RGS3: variants seen among roughly 807,000 people sequenced by gnomAD.
RGS3 encodes regulator of G-protein signalling 3.
RGS3 carries 80 observed loss-of-function variants against 132.6 expected under a neutral mutation model. The observed-to-expected ratio is 0.60, with a 90% CI of 0.50 to 0.73. The LOEUF (loss-of-function observed/expected upper bound fraction) is 0.73, where lower values mean the gene tolerates loss of function less well. Ranked by LOEUF, RGS3 falls within the 30% of genes least tolerant of loss-of-function variation. The pLI is 0.00. For synonymous variants in RGS3, 598 were observed against 620.6 expected (o/e 0.96, Z 0.54); for missense variants, 1,382 against 1,530.8 (o/e 0.90, Z 1.62).
At chr9:113,592,017 G>A (rs1260811340) in intron 21 of RGS3, 2 of 153,180 alleles carry the variant, frequency 1.3e-5, no homozygotes, top group African/African-American at 4.8e-5. Context: ...GTATAGGGAG[G>A]AGGCAGTGGG....
At chr9:113,593,928 G>A (rs1346962944) in intron 21 of RGS3, 41 of 1,606,632 alleles carry the variant, frequency 2.6e-5, no homozygotes, top group Non-Finnish European at 3.3e-5. Context: ...CCATGGTAAC[G>A]AGGAGGCCAG....
chr9:113,554,386 A>G (rs1388903898), intron 19 of RGS3, among the ~76,000 whole-genome samples: 1 of 152,138 alleles, frequency 6.6e-6, no homozygotes, highest in Non-Finnish European at 1.5e-5. Context: ...GCTCACTGCA[A>G]CCTCCACCTT....
In RGS3 at chr9:113,489,508, C is replaced by T. The variant is rs181981635; in HGVS notation, c.689+3815C>T. Among the ~76,000 whole-genome samples the T allele has an allele frequency of 1.1e-4, 17 of 152,204 alleles. No individual in the cohort carries two copies. The East Asian group carries it at 3.3e-3, about 29-fold the overall frequency. On this transcript the variant is annotated intron_variant, in intron 7 of 24. Coordinates refer to ENST00000350696, the Ensembl canonical transcript of RGS3. Reference sequence around the variant, plus strand: ...GCTCCTCAGGACTCAGGGTGCTTCTCTTTGCATTTATAGTGTAGTTTCATT... The same window carrying T: ...GCTCCTCAGGACTCAGGGTGCTTCTTTTTGCATTTATAGTGTAGTTTCATT...
intron 19 of RGS3, among the ~76,000 whole-genome samples, chr9:113,540,209 T>C (rs1832847116): frequency 6.6e-6 from 1 of 152,112 alleles, no homozygotes; most frequent in Non-Finnish European, 1.5e-5. Flanking sequence ...ACTCCCTGCA[T>C]GGGGACTGCT....
chr9:113,512,307 G>A (rs950426503), intron 14 of RGS3, among the ~76,000 whole-genome samples: 2 of 152,136 alleles, frequency 1.3e-5, no homozygotes, highest in Non-Finnish European at 1.5e-5. Flanking sequence ...GATATGTAGG[G>A]CCAGATCAGA....
chr9:113,446,637 G>A (rs1829105208), intron 1 of RGS3, among the ~76,000 whole-genome samples: 1 of 152,196 alleles, frequency 6.6e-6, no homozygotes, highest in African/African-American at 2.4e-5. Flanking sequence ...AGTTCCTCGA[G>A]AGAAGGGTCT....
chr9:113,503,073 G>T (rs1280977880), intron 10 of RGS3, among the ~76,000 whole-genome samples: 7 of 152,210 alleles, frequency 4.6e-5, no homozygotes, highest in Non-Finnish European at 1.0e-4. Context: ...CTAGACAGGA[G>T]AGCAGAGGTA....
Position 113,593,953 on chromosome 9 carries a change from G to C in RGS3, c.3081-477G>C, listed in dbSNP as rs978164750. On this transcript the variant is annotated intron_variant, in intron 21 of 24. Transcript: ENST00000350696. ...GAGGAGGCCAGTCACAAATAGCTGG[G>C]ACTGGCTTCCTGCCGGGGCGGCCCC... 4 of 1,612,816 alleles carry C rather than the reference G, an allele frequency of 2.5e-6. No individual in the cohort carries two copies. The African/African-American group carries it at 4.0e-5, about 16-fold the overall frequency.
rs375736626 is a variant in RGS3 at position 113,541,460 on chromosome 9, A to G, written c.2037+4542A>G. 3.7e-6 allele frequency: 6 copies of G among 1,607,878 alleles called. No individual in the cohort carries two copies. The Admixed American group carries it at 5.1e-5, about 14-fold the overall frequency. ...CAAGGGCGGGACTCTGCTTCTGGCA[A>G]CTTAACCCTTTCTTGGGCATCCCCT... On this transcript the variant is annotated intron_variant, in intron 19 of 24. Coordinates refer to ENST00000350696, the Ensembl canonical transcript of RGS3.
chr9:113,487,870 A>T (rs908409112), intron 7 of RGS3, among the ~76,000 whole-genome samples: 1 of 152,170 alleles, frequency 6.6e-6, no homozygotes, highest in Non-Finnish European at 1.5e-5. Context: ...CTTGTCAGGA[A>T]CCTAGATTCT....
At chr9:113,594,088 C>A in intron 21 of RGS3, 1 of 1,613,106 alleles carries the variant, frequency 6.2e-7, no homozygotes, top group Non-Finnish European at 8.5e-7. Context: ...TTCCTGGCTC[C>A]TCCTGTCTGA....
intron 14 of RGS3, among the ~76,000 whole-genome samples, chr9:113,513,342 T>G (rs1831491607): frequency 6.6e-6 from 1 of 152,106 alleles, no homozygotes; most frequent in Non-Finnish European, 1.5e-5. Context: ...CTGGGGGTGG[T>G]CTTGTTTCTC....
intron 20 of RGS3, among the ~76,000 whole-genome samples, chr9:113,589,572 G>GCCGATAAAGTA (rs1258971177): frequency 6.6e-6 from 1 of 152,202 alleles, no homozygotes; most frequent in African/African-American, 2.4e-5. Context: ...ATTGTGTGGA[G>GCCGATAAAGTA]CCGATAAAGT....
intron 7 of RGS3, among the ~76,000 whole-genome samples, chr9:113,487,279 T>G (rs938119691): frequency 2.0e-5 from 3 of 150,918 alleles, no homozygotes; most frequent in African/African-American, 7.3e-5. Flanking sequence ...GCCCGGCTAA[T>G]TTTTTGTATT....
intron 19 of RGS3, among the ~76,000 whole-genome samples, chr9:113,539,182 C>A (rs999600456): frequency 6.6e-6 from 1 of 152,192 alleles, no homozygotes; most frequent in Non-Finnish European, 1.5e-5. Flanking sequence ...CAGTTCCTGG[C>A]AGCCTCGGGG....
At chr9:113,585,407 G>A (rs1206422861) in intron 20 of RGS3, among the ~76,000 whole-genome samples, 3 of 152,254 alleles carry the variant, frequency 2.0e-5, no homozygotes, top group African/African-American at 7.2e-5. Flanking sequence ...TTGAGAGGCG[G>A]CCCTCAGGGA....
rs767174520 is a variant in RGS3 at position 113,594,199 on chromosome 9, C to A, written c.3081-231C>A. 3.2e-5 allele frequency: 51 copies of A among 1,612,844 alleles called. No homozygotes were observed. In the Admixed American group the frequency reaches 8.0e-4, roughly 25 times the overall value. On this transcript the variant is annotated intron_variant, in intron 21 of 24. Transcript: ENST00000350696. The stretch of plus-strand genomic sequence containing the variant: ...CACCGTTGCTGCCCGCTGCCCAGGA[C>A]GCGGGGTGGGGGACAGGAGCCAGAG...
chr9:113,581,640 G>C (rs1015461924), intron 19 of RGS3: 3 of 152,228 alleles, frequency 2.0e-5, no homozygotes, highest in Non-Finnish European at 4.4e-5. Flanking sequence ...TTCATACGTG[G>C]ACACCTTGAG....
intron 19 of RGS3, among the ~76,000 whole-genome samples, chr9:113,569,209 C>T (rs973394032): frequency 2.6e-5 from 4 of 152,164 alleles, no homozygotes; most frequent in African/African-American, 7.2e-5. Context: ...AGCCAGGGCT[C>T]TCTGTGGTGT....
Sources: allele counts gnomAD v4.1 joint callset (sites outside exome capture counted in the v4.1 genomes callset), GRCh38; gene constraint gnomAD v4.1.1; transcripts MANE v1.5; gene names NCBI Gene and HGNC (gene_info 2026-07-23, HGNC 2026-07-21).